TNFSF15: variants seen among roughly 807,000 people sequenced by gnomAD.
TNFSF15 encodes the protein TNF superfamily member 15, also known as tumor necrosis factor ligand superfamily member 15.
Under a neutral mutation model 26.4 loss-of-function variants are expected in TNFSF15, and 15 were observed. The observed-to-expected ratio is 0.57, with a 90% CI of 0.38 to 0.87. TNFSF15 has a LOEUF of 0.87. TNFSF15 is among the 40% of genes least tolerant of loss of function. The pLI is 0.00. For synonymous variants in TNFSF15, 116 were observed against 115.0 expected (o/e 1.01, Z -0.06); for missense variants, 290 against 306.1 (o/e 0.95, Z 0.39).
rs748789329 is a variant in TNFSF15 at position 114,790,614 on chromosome 9, G to A, written c.594C>T (p.Thr198=). Residue 198 remains threonine (T), a synonymous_variant, in exon 4 of 4, where the codon ACC becomes ACT. Coordinates refer to ENST00000374045, the MANE Select transcript of TNFSF15 (RefSeq NM_005118.4). The part of the protein sequence containing the change: ...YPEPTQLLMG[T]KSVCEVGSNW... ...TGCTACCTACTTCGCATACAGACTTGGTCCCCATGAGGAGCTGGGTTGGCT... is the reference window on the plus strand; with the variant it reads ...TGCTACCTACTTCGCATACAGACTTAGTCCCCATGAGGAGCTGGGTTGGCT... 6.2e-7 allele frequency: 1 copy of A among 1,614,064 alleles called. No individual in the cohort carries two copies. Among genetic ancestry groups the A allele is most frequent in the Non-Finnish European group, 8.5e-7 (1 of 1,180,030 alleles).
At chr9:114,801,491 T>C (rs184913112) in intron 1 of TNFSF15, among the ~76,000 whole-genome samples, 3 of 152,314 alleles carry the variant, frequency 2.0e-5, no homozygotes, top group East Asian at 1.9e-4. Flanking sequence ...GGCCAGGCGA[T>C]GGCAAATTCC....
In TNFSF15 at chr9:114,805,790, C is replaced by T. The variant is rs766658946; in HGVS notation, c.210+13G>A. 13 of 1,611,816 alleles carry T rather than the reference C, an allele frequency of 8.1e-6. No homozygotes were observed. Among genetic ancestry groups the T allele is most frequent in the African/African-American group, 1.3e-5 (1 of 75,018 alleles). ...ACTGCTCCTCCCCAAGGTCAGAGTG[C>T]CATGTGGCTTACCTGGAACTGCACA... On this transcript the variant is annotated intron_variant, in intron 1 of 3. Coordinates refer to ENST00000374045, the MANE Select transcript of TNFSF15 (RefSeq NM_005118.4).
chr9:114,798,661 A>AT (rs1464856784), intron 1 of TNFSF15, among the ~76,000 whole-genome samples: 1 of 152,138 alleles, frequency 6.6e-6, no homozygotes, highest in African/African-American at 2.4e-5. Flanking sequence ...CAAAGAGTGC[A>AT]TGGAGGGCTT....
rs76693166 is a variant in TNFSF15, at chr9:114,788,323, G to T, written c.*2129C>A. The T allele has an allele frequency of 8.0e-3, 1,224 of 153,808 alleles. 7 individuals carry two copies. The highest frequency in any genetic ancestry group is 0.011 in the Non-Finnish European group (717 of 68,040). The allele number at this position is 153,808 out of a possible 1,614,324, so 9.5% of individuals were successfully genotyped here. On this transcript the variant is annotated 3_prime_UTR_variant, in exon 4 of 4. Transcript: ENST00000374045. The stretch of plus-strand genomic sequence containing the variant: ...CTTCACTTCCTCTATGAAGACTCTG[G>T]TGAGCCAGGTGGAGGTGACCACACT...
At position 114,787,599 on chromosome 9, in the gene TNFSF15, A is replaced by G. The variant is rs868617759; in HGVS notation, c.*2853T>C. 1 of 152,990 alleles carries G rather than the reference A, an allele frequency of 6.5e-6. No homozygotes were observed. The highest frequency in any genetic ancestry group is 1.5e-5 in the Non-Finnish European group (1 of 68,040). The allele number at this position is 152,990 out of a possible 1,614,324, so 9.5% of individuals were successfully genotyped here. A position where few individuals can be genotyped will look rare whatever the true frequency, so the allele number is the denominator to read the frequency against. On this transcript the variant is annotated 3_prime_UTR_variant, in exon 4 of 4. Coordinates refer to ENST00000374045, the MANE Select transcript of TNFSF15 (RefSeq NM_005118.4). The stretch of plus-strand genomic sequence containing the variant: ...TCTTCCTCCCTCCCAAACCCTGAAT[A>G]CACCCCATTAACCCCTTTTAGGGGA...
chr9:114,795,294 T>C (rs1829660126), intron 1 of TNFSF15, among the ~76,000 whole-genome samples: 1 of 152,250 alleles, frequency 6.6e-6, no homozygotes, highest in Non-Finnish European at 1.5e-5. Context: ...TCTCCTCTAA[T>C]AGAGTGATCC....
In TNFSF15 at chr9:114,786,915, A is replaced by AG. The variant is rs1394278072; in HGVS notation, c.*3536_*3537insC. ...TGACAAAGCAAGACTCTGTCTCAAAAAAAAAAAAAAAAAAAAAGAAAAAGA... is the reference window on the plus strand; with the variant it reads ...TGACAAAGCAAGACTCTGTCTCAAAAGAAAAAAAAAAAAAAAAAGAAAAAGA... On this transcript the variant is annotated 3_prime_UTR_variant, in exon 4 of 4. Coordinates refer to ENST00000374045, the MANE Select transcript of TNFSF15 (RefSeq NM_005118.4). The AG allele has an allele frequency of 1.5e-4, 23 of 150,802 alleles. No homozygotes were observed. The highest frequency in any genetic ancestry group is 3.0e-4 in the Non-Finnish European group (20 of 67,774). 9.3% of individuals were successfully genotyped at this position (150,802 alleles called of 1,614,324 possible).
chr9:114,804,308 A>C (rs937554183), intron 1 of TNFSF15, among the ~76,000 whole-genome samples: 8 of 152,226 alleles, frequency 5.3e-5, no homozygotes, highest in Admixed American at 1.3e-4. Context: ...CCGTCTAGTG[A>C]CAGTGCATGT....
chr9:114,800,429 T>G (rs191408365), intron 1 of TNFSF15, among the ~76,000 whole-genome samples: 6 of 152,134 alleles, frequency 3.9e-5, no homozygotes, highest in African/African-American at 1.4e-4. Context: ...GTGCTTTTCA[T>G]AGTTAAATCC....
Position 114,788,285 on chromosome 9 carries a change from A to C in TNFSF15, c.*2167T>G, listed in dbSNP as rs911656331. 1 of 153,708 alleles carries C rather than the reference A, an allele frequency of 6.5e-6. No homozygotes were observed. The highest frequency in any genetic ancestry group is 2.4e-5 in the African/African-American group (1 of 41,422). The allele number at this position is 153,708 out of a possible 1,614,324, so 9.5% of individuals were successfully genotyped here. ...CCCTGTGGTCATCTGGGGCCCGCCC[A>C]GTTTCTTCCAGGCTTCACTTCCTCT... On this transcript the variant is annotated 3_prime_UTR_variant, in exon 4 of 4. Coordinates refer to ENST00000374045, the MANE Select transcript of TNFSF15 (RefSeq NM_005118.4).
chr9:114,790,999 G>A, intron 3 of TNFSF15, 93 bp from the exon 4 acceptor site: 2 of 1,293,606 alleles, frequency 1.5e-6, no homozygotes, highest in Non-Finnish European at 2.2e-6. Flanking sequence ...ATAGACTAAA[G>A]TGATCGAATA....
chr9:114,792,286 G>T, intron 3 of TNFSF15, 121 bp downstream of exon 3: 2 of 1,188,998 alleles, frequency 1.7e-6, no homozygotes, highest in South Asian at 1.5e-5. Flanking sequence ...GAGGGGAGGA[G>T]TCTCTTACCA....
chr9:114,792,992 CTGTT>C (rs1189750685), intron 2 of TNFSF15, among the ~76,000 whole-genome samples: 2 of 152,146 alleles, frequency 1.3e-5, no homozygotes, highest in Non-Finnish European at 2.9e-5. Context: ...CTCTGGGCCT[CTGTT>C]TGTCTATTAG....
At chr9:114,802,126 C>T (rs1371092285) in intron 1 of TNFSF15, among the ~76,000 whole-genome samples, 1 of 152,150 alleles carries the variant, frequency 6.6e-6, no homozygotes, top group Admixed American at 6.5e-5. Flanking sequence ...TTTGCCATCT[C>T]TTGGTAGATT....
At chr9:114,792,939 G>A (rs545511046) in intron 2 of TNFSF15, among the ~76,000 whole-genome samples, 3 of 152,236 alleles carry the variant, frequency 2.0e-5, no homozygotes, top group Non-Finnish European at 4.4e-5. Flanking sequence ...GAGTGGATGG[G>A]AACTATTCTT....
chr9:114,791,013 C>T (rs893715684), intron 3 of TNFSF15, 107 bp from the exon 4 acceptor site: 6 of 1,113,302 alleles, frequency 5.4e-6, no homozygotes, highest in East Asian at 2.5e-5. Flanking sequence ...TCGAATATAC[C>T]TAACAGCTAA....
rs1180213073 is a variant in TNFSF15, at chr9:114,784,906, A to T, written c.*5546T>A. 1 of 148,566 alleles carries T rather than the reference A, an allele frequency of 6.7e-6. No individual in the cohort carries two copies. The highest frequency in any genetic ancestry group is 1.5e-5 in the Non-Finnish European group (1 of 65,768). The allele number at this position is 148,566 out of a possible 1,614,324, so 9.2% of individuals were successfully genotyped here. A position where few individuals can be genotyped will look rare whatever the true frequency, so the allele number is the denominator to read the frequency against. On this transcript the variant is annotated 3_prime_UTR_variant, in exon 4 of 4. Transcript: ENST00000374045. Reference sequence around the variant, plus strand: ...AAACACCTACACTTCTTCAATCTGTACACCCCTGAAACAAAAAAAGGGGAA... The same window carrying T: ...AAACACCTACACTTCTTCAATCTGTTCACCCCTGAAACAAAAAAAGGGGAA...
intron 1 of TNFSF15, among the ~76,000 whole-genome samples, chr9:114,804,338 T>G (rs2131308435): frequency 6.6e-6 from 1 of 152,318 alleles, no homozygotes; most frequent in East Asian, 1.9e-4. Context: ...ACCTTCTGGC[T>G]GGGCAAGTCA....
At chr9:114,801,407 T>G (rs4372078) in intron 1 of TNFSF15, among the ~76,000 whole-genome samples, 118,538 of 152,048 alleles carry the variant, frequency 0.78, 47,024 homozygotes, top group African/African-American at 0.93. Flanking sequence ...CAAGACCTGG[T>G]TGGGGAATGA....
Sources: gnomAD v4.1 joint callset for allele counts (sites outside exome capture counted in the v4.1 genomes callset) on GRCh38, gnomAD v4.1.1 for gene constraint, MANE v1.5 for transcripts, NCBI Gene and HGNC (gene_info 2026-07-23, HGNC 2026-07-21) for gene names.